RHOQ: variants seen among roughly 807,000 people sequenced by gnomAD.
The protein encoded by RHOQ is rho-related GTP-binding protein RhoQ.
Under a neutral mutation model 25.8 loss-of-function variants are expected in RHOQ, and 7 were observed. The observed-to-expected ratio is 0.27, with a 90% CI of 0.15 to 0.51. The LOEUF is 0.51. RHOQ is among the 20% of genes least tolerant of loss of function. The pLI is 0.97. For synonymous variants in RHOQ, 97 were observed against 98.6 expected (o/e 0.98, Z 0.10); for missense variants, 165 against 260.6 (o/e 0.63, Z 2.53).
intron 4 of RHOQ, among the ~76,000 whole-genome samples, chr2:46,579,645 A>G (rs1290237592): frequency 1.3e-5 from 2 of 152,146 alleles, no homozygotes; most frequent in Non-Finnish European, 2.9e-5. Context: ...TGAGGTTGGG[A>G]GTTGGAGACC....
rs1669490949 is a variant in RHOQ at position 46,584,091 on chromosome 2, C to A, written c.*3008C>A. On this transcript the variant is annotated 3_prime_UTR_variant, in exon 5 of 5. Transcript: ENST00000238738. ...ATCTTAGTGACTTTAGACACTGTTT[C>A]CATTTGATTTTTAACTATTTAAAAT... is the stretch of plus-strand genomic sequence containing the variant. 6.6e-6 allele frequency among the ~76,000 whole-genome samples: 1 copy of A among 152,060 alleles called. No homozygotes were observed. The highest frequency in any genetic ancestry group is 2.1e-4 in the South Asian group (1 of 4,824).
chr2:46,545,499 A>G (rs1337865865), intron 2 of RHOQ, among the ~76,000 whole-genome samples: 1 of 152,194 alleles, frequency 6.6e-6, no homozygotes, highest in African/African-American at 2.4e-5. Context: ...ATATGGGGCC[A>G]GAGGCAGACA....
intron 2 of RHOQ, among the ~76,000 whole-genome samples, chr2:46,546,458 ATATATATATATATATGTG>A (rs1179263306): frequency 9.8e-4 from 5 of 5,110 alleles, no homozygotes; most frequent in African/African-American, 3.6e-3. Flanking sequence ...ATACATATAT[ATATATATATATATATGTG>A]TATATATATA....
chr2:46,543,299 C>T (rs1039514468), intron 1 of RHOQ, 111 bp downstream of exon 1: 1 of 1,260,330 alleles, frequency 7.9e-7, no homozygotes. Flanking sequence ...CTCCCCTCCC[C>T]CGCCGCGCCC....
rs1668735441 is a variant in RHOQ, at chr2:46,566,486, G to C, written c.202-9601G>C. Among the ~76,000 whole-genome samples the C allele has an allele frequency of 6.6e-6, 1 of 152,082 alleles. No homozygotes were observed. The highest frequency in any genetic ancestry group is 2.4e-5 in the African/African-American group (1 of 41,408). ...TCCACCATTTCTCTAGCTGTCAACT[G>C]CTGTCCCTTAGTCTAAGCTTCCATC... On this transcript the variant is annotated intron_variant, in intron 2 of 4. Transcript: ENST00000238738. The surrounding 1 kb of genome is among the most constrained non-coding windows in gnomAD (Gnocchi z 4.2).
intron 2 of RHOQ, chr2:46,572,597 T>G (rs1245266957): frequency 3.3e-6 from 1 of 302,664 alleles, no homozygotes; most frequent in East Asian, 8.3e-5. Context: ...GTTCTTTCAT[T>G]GTTTTGATGT....
rs752951746 is a variant in RHOQ at position 46,581,008 on chromosome 2, C to G, written c.543C>G (p.Ala181=). ...CTGTTTTTGATGAGGCTATCATAGC[C>G]ATTTTAACTCCAAAGAAACACACTG... The part of the protein sequence containing the change: ...LKTVFDEAII[A]ILTPKKHTVK... The change falls in exon 5 of 5, where the codon GCC becomes GCG. Residue 181 remains alanine (A), a synonymous_variant. Coordinates refer to ENST00000238738, the MANE Select transcript of RHOQ (RefSeq NM_012249.4). The G allele has an allele frequency of 1.3e-6, 2 of 1,588,200 alleles. No homozygotes were observed. Among genetic ancestry groups the G allele is most frequent in the South Asian group, 2.3e-5 (2 of 87,366 alleles).
intron 2 of RHOQ, among the ~76,000 whole-genome samples, chr2:46,570,455 A>T (rs1247862337): frequency 6.6e-6 from 1 of 152,194 alleles, no homozygotes; most frequent in East Asian, 1.9e-4. Context: ...AATAAAAAAA[A>T]AAAAAGAAAT....
rs774838962 is a variant in RHOQ, at chr2:46,552,318, A to G, written c.201+8506A>G. On this transcript the variant is annotated intron_variant, in intron 2 of 4. Coordinates refer to ENST00000238738, the MANE Select transcript of RHOQ (RefSeq NM_012249.4). This position sits in a 1 kb window ranked among gnomAD's most constrained non-coding sequence, Gnocchi z 5.0. ...GCCCCATTGCTCAAGTACGTGTGGA[A>G]GAAGCTCATGCCATTTGCCTAAAGC... 4.4e-4 allele frequency among the ~76,000 whole-genome samples: 67 copies of G among 152,296 alleles called. 1 individual carries two copies. The highest frequency in any genetic ancestry group is 1.9e-3 in the South Asian group (9 of 4,832).
intron 2 of RHOQ, among the ~76,000 whole-genome samples, chr2:46,564,074 GCAGGAGGATTGCTTGAGCT>G (rs1198462243): frequency 1.3e-5 from 2 of 152,084 alleles, no homozygotes; most frequent in African/African-American, 4.8e-5. Flanking sequence ...GGAGGCCAAG[GCAGGAGGATTGCTTGAGCT>G]CAGGAGTTCA....
chr2:46,559,292 G>A (rs1158089400), intron 2 of RHOQ, among the ~76,000 whole-genome samples: 1 of 152,154 alleles, frequency 6.6e-6, no homozygotes, highest in Non-Finnish European at 1.5e-5. Context: ...CACTGTACCT[G>A]TCTAGTTTGT....
At chr2:46,544,020 C>T (rs1245428439) in intron 2 of RHOQ, among the ~76,000 whole-genome samples, 1 of 152,176 alleles carries the variant, frequency 6.6e-6, no homozygotes, top group Non-Finnish European at 1.5e-5. Flanking sequence ...CCCATGTGAA[C>T]CCCTGGGCTG....
At chr2:46,544,004 GC>G (rs201808906) in intron 2 of RHOQ, among the ~76,000 whole-genome samples, 192 bp downstream of exon 2, 2 of 151,878 alleles carry the variant, frequency 1.3e-5, no homozygotes, top group African/African-American at 2.4e-5. Flanking sequence ...AGCCGGATAA[GC>G]CCCCCCCATG....
chr2:46,552,379 G>A lies in RHOQ; in HGVS notation c.201+8567G>A, dbSNP rs1212162812. On this transcript the variant is annotated intron_variant, in intron 2 of 4. Transcript: ENST00000238738. The surrounding 1 kb of genome is among the most constrained non-coding windows in gnomAD (Gnocchi z 5.0). Reference sequence around the variant, plus strand: ...TCCCAGAAGAGAGGGACAGGGAAATGCTGTTTGGGGGGCTGCCAGGCGGGC... The same window carrying A: ...TCCCAGAAGAGAGGGACAGGGAAATACTGTTTGGGGGGCTGCCAGGCGGGC... Among the ~76,000 whole-genome samples, 1 of 152,236 alleles carries A rather than the reference G, an allele frequency of 6.6e-6. No individual in the cohort carries two copies. Among genetic ancestry groups the A allele is most frequent in the Non-Finnish European group, 1.5e-5 (1 of 68,048 alleles).
chr2:46,581,482 T>A lies in RHOQ; in HGVS notation c.*399T>A. 2 of 1,610,892 alleles carry A rather than the reference T, an allele frequency of 1.2e-6. No homozygotes were observed. Among genetic ancestry groups the A allele is most frequent in the Non-Finnish European group, 1.7e-6 (2 of 1,179,232 alleles). On this transcript the variant is annotated 3_prime_UTR_variant, in exon 5 of 5. Coordinates refer to ENST00000238738, the MANE Select transcript of RHOQ (RefSeq NM_012249.4). ...AAATATCTCCCTTTGCTCCAGTTAA[T>A]TGTTCTTGTATGTAAGTTGCTTTCT...
chr2:46,551,041 C>A (rs1668224175), intron 2 of RHOQ, among the ~76,000 whole-genome samples: 2 of 152,302 alleles, frequency 1.3e-5, no homozygotes, highest in South Asian at 4.1e-4. Context: ...GTACTGGTTG[C>A]CAGTGTGGAC....
chr2:46,559,507 G>C (rs532349292), intron 2 of RHOQ, among the ~76,000 whole-genome samples: 1 of 152,316 alleles, frequency 6.6e-6, no homozygotes, highest in African/African-American at 2.4e-5. Flanking sequence ...GTTGGTCAGG[G>C]TTTCTCAGCT....
chr2:46,561,039 C>T (rs193222409), intron 2 of RHOQ, among the ~76,000 whole-genome samples: 2,198 of 136,386 alleles, frequency 0.016, 21 homozygotes, highest in Non-Finnish European at 0.024. Context: ...CACACACACA[C>T]ACAAAACCTG....
intron 2 of RHOQ, chr2:46,560,488 C>G: frequency 2.2e-6 from 1 of 445,940 alleles, no homozygotes; most frequent in South Asian, 1.6e-5. Flanking sequence ...GGGCCAGGCT[C>G]CTGATGAATT....
Sources: gnomAD v4.1 joint callset for allele counts (sites outside exome capture counted in the v4.1 genomes callset) on GRCh38, gnomAD v4.1.1 for gene constraint, Gnocchi (gnomAD v3.1) non-coding constraint, MANE v1.5 for transcripts, NCBI Gene and HGNC (gene_info 2026-07-23, HGNC 2026-07-21) for gene names.